Variants in CDC25C observed in about 807,000 individuals in gnomAD.
The protein encoded by CDC25C is cell division cycle 25C.
CDC25C carries 48 observed loss-of-function variants against 52.5 expected under a neutral mutation model. The ratio of observed to expected loss-of-function variants is 0.91; its 90% CI spans 0.72 to 1.16. The LOEUF is 1.16. Among genes scored for constraint, CDC25C ranks in the 50% most tolerant of loss-of-function variants. The pLI is 0.00. For synonymous variants in CDC25C, 187 were observed against 206.5 expected (o/e 0.91, Z 0.81); for missense variants, 510 against 566.1 (o/e 0.90, Z 1.01).
At position 138,285,708 on chromosome 5, in the gene CDC25C, T is replaced by G. The variant is rs763039943; in HGVS notation, c.1406A>C (p.Lys469Thr). 1 of 1,614,152 alleles carries G rather than the reference T, an allele frequency of 6.2e-7. No homozygotes were observed. Among genetic ancestry groups the G allele is most frequent in the Admixed American group, 1.7e-5 (1 of 60,028 alleles). ...QLREQIALLVKDMSP is the reference protein window; with the variant it reads ...QLREQIALLVTDMSP ...GGAATGTTATCATGGGCTCATGTCC[T>G]TCACCAGAAGGGCAATCTGCTCCCG... The change falls in exon 14 of 14, where the codon AAG becomes ACG. Residue 469 changes from lysine to threonine, a missense_variant. Physicochemically the swap from Lys to Thr is moderately conservative, Grantham distance 78 (BLOSUM62 -1). Coordinates refer to ENST00000323760, the MANE Select transcript of CDC25C (RefSeq NM_001790.5).
chr5:138,317,858 A>G (rs138648834), intron 7 of CDC25C, among the ~76,000 whole-genome samples: 1 of 152,328 alleles, frequency 6.6e-6, no homozygotes, highest in African/African-American at 2.4e-5. Flanking sequence ...AAATACCTGA[A>G]AAGTAATGTT....
exon 1 of CDC25C, chr5:138,338,297 G>T (rs535091734): frequency 2.1e-4 from 138 of 660,006 alleles, no homozygotes; most frequent in South Asian, 1.3e-3. Context: ...CTGGGAGCTG[G>T]AGGAACCGCG....
intron 8 of CDC25C, among the ~76,000 whole-genome samples, chr5:138,291,698 C>T (rs1291707209): frequency 2.0e-5 from 3 of 151,682 alleles, no homozygotes; most frequent in South Asian, 2.1e-4. Context: ...GGATTATAGG[C>T]GTGAGCCACT....
chr5:138,321,714 T>TGCA (rs1267686381), intron 6 of CDC25C, among the ~76,000 whole-genome samples: 5 of 114,880 alleles, frequency 4.4e-5, no homozygotes, highest in African/African-American at 1.7e-4. Flanking sequence ...ATCGCACCAC[T>TGCA]GCACTCCAGC....
chr5:138,289,441 G>T, intron 10 of CDC25C, 60 bp downstream of exon 10: 2 of 1,213,618 alleles, frequency 1.6e-6, no homozygotes, highest in South Asian at 1.2e-5. Context: ...GCATTTTAGG[G>T]ACAGAAGAGA....
rs369280445 is a variant in CDC25C, at chr5:138,325,918, T to C, written c.370-14A>G. 2.8e-5 allele frequency: 45 copies of C among 1,613,152 alleles called. No homozygotes were observed. The highest frequency in any genetic ancestry group is 3.6e-5 in the Non-Finnish European group (42 of 1,179,452). The stretch of plus-strand genomic sequence containing the variant: ...AAGAAGCTGTGCCTAAAAAAGAGAG[T>C]TTGCTGAGAACGTCCAGCATCCTCA... On this transcript the variant is annotated splice_polypyrimidine_tract_variant and intron_variant, in intron 5 of 13. Transcript: ENST00000323760.
intron 7 of CDC25C, among the ~76,000 whole-genome samples, chr5:138,313,202 C>G (rs2126764089): frequency 6.6e-6 from 1 of 151,908 alleles, no homozygotes; most frequent in Middle Eastern, 3.4e-3. Flanking sequence ...ATGGTGAAAC[C>G]TTGTCTCTAC....
intron 7 of CDC25C, among the ~76,000 whole-genome samples, chr5:138,306,415 C>G (rs575997355): frequency 1.3e-5 from 2 of 151,986 alleles, no homozygotes; most frequent in Non-Finnish European, 2.9e-5. Flanking sequence ...ACTAAGGTTA[C>G]GACAATCTCC....
chr5:138,338,300 G>T (rs746064598), exon 1 of CDC25C: 80 of 638,976 alleles, frequency 1.3e-4, no homozygotes, highest in Admixed American at 3.1e-4. Flanking sequence ...GGAGCTGGAG[G>T]AACCGCGGTA....
chr5:138,291,590 T>C (rs1422823826), intron 8 of CDC25C, among the ~76,000 whole-genome samples: 2 of 151,932 alleles, frequency 1.3e-5, no homozygotes, highest in African/African-American at 4.8e-5. Flanking sequence ...AGCTGATTTC[T>C]TGTATTTTAG....
At chr5:138,324,193 C>G (rs1328057057) in intron 6 of CDC25C, among the ~76,000 whole-genome samples, 1 of 152,024 alleles carries the variant, frequency 6.6e-6, no homozygotes, top group African/African-American at 2.4e-5. Context: ...ATTGCTTGAA[C>G]CAGGGAGGCA....
intron 4 of CDC25C, among the ~76,000 whole-genome samples, chr5:138,327,269 T>A (rs1234385057): frequency 7.0e-6 from 1 of 142,594 alleles, no homozygotes; most frequent in African/African-American, 2.6e-5. Flanking sequence ...AAAAAAAAAA[T>A]TAATTTCTAT....
Position 138,296,906 on chromosome 5 carries a change from CTT to C in CDC25C, c.616-4792_616-4791del, listed in dbSNP as rs1300029259. On this transcript the variant is annotated intron_variant, in intron 7 of 13. Transcript: ENST00000323760. ...AGGCGTGAGCCACCACGCCCGGCCA[CTT>C]TTTTTTTTTTTTTTTTTTTTTAGAC... 1.7e-4 allele frequency among the ~76,000 whole-genome samples: 14 copies of C among 80,178 alleles called. 1 individual carries two copies. Among genetic ancestry groups the C allele is most frequent in the Middle Eastern group, 0.032 (2 of 62 alleles). The allele number at this position is 80,178 out of a possible 152,430, so 52.6% of individuals were successfully genotyped here.
At chr5:138,327,906 G>A (rs973427042) in intron 4 of CDC25C, among the ~76,000 whole-genome samples, 1 of 149,736 alleles carries the variant, frequency 6.7e-6, no homozygotes, top group African/African-American at 2.5e-5. Context: ...TCGCTCTGTC[G>A]CCCAGGCTGG....
At chr5:138,331,964 G>T, upstream of CDC25C, 1 of 935,700 alleles carries the variant, frequency 1.1e-6, no homozygotes, top group Non-Finnish European at 1.3e-6. Flanking sequence ...GCTTGCTCTG[G>T]AAATGGTAAG....
At position 138,286,468 on chromosome 5, in the gene CDC25C, C is replaced by T. The variant is rs201570266; in HGVS notation, c.1160+29G>A. On this transcript the variant is annotated intron_variant, in intron 12 of 13. Coordinates refer to ENST00000323760, the MANE Select transcript of CDC25C (RefSeq NM_001790.5). ...AGTCCAACTCAAAATCCATTTCCATCACCCGCCAGACCCCATTTAGACACT... is the reference window on the plus strand; with the variant it reads ...AGTCCAACTCAAAATCCATTTCCATTACCCGCCAGACCCCATTTAGACACT... 1.7e-3 allele frequency: 2,679 copies of T among 1,589,848 alleles called. 6 individuals carry two copies. The highest frequency in any genetic ancestry group is 2.2e-3 in the Non-Finnish European group (2,562 of 1,166,972).
rs375077121 is a variant in CDC25C at position 138,328,581 on chromosome 5, C to G, written c.290-52G>C. The stretch of plus-strand genomic sequence containing the variant: ...AAAGGAGTTATTCTTGTCCATGCAT[C>G]CTGTTTTTCCTTCAGATTTTCTTCA... On this transcript the variant is annotated intron_variant, in intron 3 of 13. Coordinates refer to ENST00000323760, the MANE Select transcript of CDC25C (RefSeq NM_001790.5). 1.8e-4 allele frequency: 266 copies of G among 1,445,074 alleles called. 2 individuals carry two copies. Among genetic ancestry groups the G allele is most frequent in the Admixed American group, 1.5e-3 (87 of 59,092 alleles). The allele number at this position is 1,445,074 out of a possible 1,614,324, so 89.5% of individuals were successfully genotyped here.
chr5:138,313,242 G>T (rs964226255), intron 7 of CDC25C, among the ~76,000 whole-genome samples: 1 of 152,010 alleles, frequency 6.6e-6, no homozygotes, highest in Non-Finnish European at 1.5e-5. Flanking sequence ...AGCCGGCCAC[G>T]GTGGGGCATG....
upstream of CDC25C, among the ~76,000 whole-genome samples, chr5:138,332,729 G>A (rs2126859516): frequency 6.6e-6 from 1 of 152,244 alleles, no homozygotes; most frequent in Non-Finnish European, 1.5e-5. Context: ...AGCCGGTTGT[G>A]GTGGCACACA....
Sources: gnomAD v4.1 joint callset for allele counts (sites outside exome capture counted in the v4.1 genomes callset) on GRCh38, gnomAD v4.1.1 for gene constraint, MANE v1.5 for transcripts, NCBI Gene and HGNC (gene_info 2026-07-23, HGNC 2026-07-21) for gene names.